The following PPARGC1A variants were observed in gnomAD, a reference collection of about 807,000 sequenced individuals.
PPARGC1A encodes PPARG coactivator 1 alpha, also known as peroxisome proliferator-activated receptor gamma coactivator 1-alpha.
PPARGC1A carries 25 observed loss-of-function variants against 88.7 expected under a neutral mutation model. That is an observed-to-expected ratio of 0.28 (90% CI 0.21 to 0.39). The LOEUF is 0.39. PPARGC1A is among the 10% of genes least tolerant of loss of function. PPARGC1A has a pLI of 1.00. For synonymous variants in PPARGC1A, 363 were observed against 355.6 expected, an observed-to-expected ratio of 1.02 and a Z score of -0.24; for missense variants, 880 against 968.7, an observed-to-expected ratio of 0.91 and a Z score of 1.22.
chr4:24,387,830 AAG>A, the PPARGC1A span, among the ~76,000 whole-genome samples: 2 of 96,548 alleles, frequency 2.1e-5, no homozygotes, highest in African/African-American at 3.0e-5. Context: ...GAAAGAGAGA[AAG>A]AGAGAAAGAG....
chr4:23,995,883 T>G, the PPARGC1A span, among the ~76,000 whole-genome samples: 5 of 152,090 alleles, frequency 3.3e-5, no homozygotes, highest in African/African-American at 1.2e-4. Flanking sequence ...GCTGAATAAA[T>G]CCATAAAGAA....
chr4:24,252,197 A>G, the PPARGC1A span, among the ~76,000 whole-genome samples: 2 of 152,186 alleles, frequency 1.3e-5, no homozygotes, highest in South Asian at 2.1e-4. Flanking sequence ...GTAATGTTCT[A>G]TGATGTAAAC....
chr4:24,446,654 T>C, the PPARGC1A span, among the ~76,000 whole-genome samples: 83 of 150,502 alleles, frequency 5.5e-4, no homozygotes, highest in African/African-American at 1.9e-3. Context: ...TGGAGTGCAG[T>C]GGTGCGATCT....
At chr4:24,001,438 T>C in the PPARGC1A span, among the ~76,000 whole-genome samples, 1 of 152,196 alleles carries the variant, frequency 6.6e-6, no homozygotes, top group Admixed American at 6.5e-5. Context: ...CAAATGATTT[T>C]TTTTTCTCCT....
At chr4:24,408,847 C>T in the PPARGC1A span, among the ~76,000 whole-genome samples, 1 of 152,324 alleles carries the variant, frequency 6.6e-6, no homozygotes, top group East Asian at 1.9e-4. Context: ...CCCACGGAAA[C>T]ACGAAACATA....
At chr4:24,308,296 A>G in the PPARGC1A span, among the ~76,000 whole-genome samples, 2,502 of 22,366 alleles carry the variant, frequency 0.11, 70 homozygotes, top group East Asian at 0.4. Context: ...TGCCACCGAA[A>G]AAAAAAAAAA....
upstream of PPARGC1A, chr4:23,904,204 C>G (rs2148887798): frequency 9.3e-6 from 2 of 215,462 alleles, no homozygotes; most frequent in African/African-American, 2.3e-5. Flanking sequence ...GAAACCCAAT[C>G]TTAGCCAGAT....
the PPARGC1A span, among the ~76,000 whole-genome samples, chr4:24,152,301 A>C: frequency 3.3e-5 from 5 of 152,226 alleles, no homozygotes; most frequent in Admixed American, 3.3e-4. Context: ...CATTAAAATC[A>C]ACAAAACTCT....
At chr4:24,469,098 C>T in the PPARGC1A span, among the ~76,000 whole-genome samples, 110 of 151,972 alleles carry the variant, frequency 7.2e-4, no homozygotes, top group African/African-American at 2.3e-3. Flanking sequence ...TTTTAGGAAA[C>T]GCAGGATATG....
chr4:24,355,391 T>C, the PPARGC1A span, among the ~76,000 whole-genome samples: 1 of 152,060 alleles, frequency 6.6e-6, no homozygotes, highest in Admixed American at 6.5e-5. Flanking sequence ...CACAAGAAAC[T>C]CCATGCCTTT....
the PPARGC1A span, among the ~76,000 whole-genome samples, chr4:23,918,956 G>T: frequency 6.6e-6 from 1 of 151,824 alleles, no homozygotes; most frequent in African/African-American, 2.4e-5. Context: ...TTATTCTGCT[G>T]GTTCTCTGTG....
chr4:23,980,953 G>A, the PPARGC1A span, among the ~76,000 whole-genome samples: 2 of 152,142 alleles, frequency 1.3e-5, no homozygotes, highest in Admixed American at 6.5e-5. Flanking sequence ...CTTGACAAAC[G>A]TCCACTATGC....
chr4:23,807,226 A>C (rs1719965116), intron 10 of PPARGC1A, among the ~76,000 whole-genome samples: 1 of 152,168 alleles, frequency 6.6e-6, no homozygotes, highest in South Asian at 2.1e-4. Flanking sequence ...ACAGATAGAA[A>C]GATATACCAA....
At chr4:23,862,498 A>T (rs545891130) in intron 2 of PPARGC1A, among the ~76,000 whole-genome samples, 1 of 152,276 alleles carries the variant, frequency 6.6e-6, no homozygotes, top group East Asian at 1.9e-4. Context: ...AGGTAATATT[A>T]GTTCTTCTGG....
chr4:23,945,102 A>T, the PPARGC1A span, among the ~76,000 whole-genome samples: 1 of 152,098 alleles, frequency 6.6e-6, no homozygotes, highest in African/African-American at 2.4e-5. Context: ...TGCCAGGTAC[A>T]TTATAATCCC....
At chr4:23,859,058 T>G (rs1730729174) in intron 2 of PPARGC1A, among the ~76,000 whole-genome samples, 1 of 151,724 alleles carries the variant, frequency 6.6e-6, no homozygotes, top group East Asian at 1.9e-4. Flanking sequence ...AAAATAGTAT[T>G]GTAATAACTT....
the PPARGC1A span, among the ~76,000 whole-genome samples, chr4:24,447,999 C>A: frequency 6.6e-6 from 1 of 152,232 alleles, no homozygotes; most frequent in Non-Finnish European, 1.5e-5. Flanking sequence ...CAGAGCGTGT[C>A]TGCTGCAGTG....
chr4:24,434,131 G>C, the PPARGC1A span, among the ~76,000 whole-genome samples: 2 of 152,212 alleles, frequency 1.3e-5, no homozygotes, highest in African/African-American at 4.8e-5. Flanking sequence ...AGAAAGGAAA[G>C]AAGGAAGCAT....
chr4:24,046,524 A>AT, the PPARGC1A span, among the ~76,000 whole-genome samples: 1,549 of 152,178 alleles, frequency 0.01, 22 homozygotes, highest in African/African-American at 0.035. Context: ...TACCAGACTG[A>AT]TTTTTTGCAA....
Sources: allele counts gnomAD v4.1 joint callset (sites outside exome capture counted in the v4.1 genomes callset), GRCh38; gene constraint gnomAD v4.1.1; transcripts MANE v1.5; gene names NCBI Gene and HGNC (gene_info 2026-07-23, HGNC 2026-07-21).